The following RBPJ variants were observed in gnomAD, a reference collection of about 807,000 sequenced individuals.
The protein encoded by RBPJ is recombining binding protein suppressor of hairless.
Under a neutral mutation model 67.8 loss-of-function variants are expected in RBPJ, and 9 were observed. That is an observed-to-expected ratio of 0.13 (90% CI 0.08 to 0.23). The LOEUF is 0.23. Among genes scored for constraint, RBPJ ranks in the 10% least tolerant of loss-of-function variants. The pLI is 1.00. For synonymous variants in RBPJ, 198 were observed against 203.3 expected, an observed-to-expected ratio of 0.97 and a Z score of 0.22; for missense variants, 305 against 595.6, an observed-to-expected ratio of 0.51 and a Z score of 5.08.
intron 1 of RBPJ, among the ~76,000 whole-genome samples, chr4:26,311,975 A>C (rs927337645): frequency 4.6e-5 from 7 of 152,118 alleles, no homozygotes; most frequent in Non-Finnish European, 1.0e-4. Context: ...AATTTGCATC[A>C]GAATCTCTGA....
chr4:26,180,245 C>T (rs1002011135), intron 1 of RBPJ, among the ~76,000 whole-genome samples: 12 of 149,578 alleles, frequency 8.0e-5, no homozygotes, highest in African/African-American at 1.7e-4. Flanking sequence ...ACCTGGGTGA[C>T]GAAATAATTG....
chr4:26,255,179 T>C (rs1297702407), intron 1 of RBPJ, among the ~76,000 whole-genome samples: 466 of 126,700 alleles, frequency 3.7e-3, no homozygotes, highest in East Asian at 6.7e-3. Context: ...CCAAGGCGGG[T>C]GGATCACGAG....
intron 1 of RBPJ, among the ~76,000 whole-genome samples, chr4:26,200,274 C>A (rs73809258): frequency 1.2e-3 from 186 of 152,304 alleles, no homozygotes; most frequent in African/African-American, 4.2e-3. Flanking sequence ...CATAACAACT[C>A]CTTGAAATAG....
intron 2 of RBPJ, among the ~76,000 whole-genome samples, chr4:26,398,218 G>A (rs1200102827): frequency 3.9e-5 from 6 of 152,180 alleles, no homozygotes; most frequent in African/African-American, 1.4e-4. Context: ...CGCAGAGAGT[G>A]AGCCTGGAGG....
At chr4:26,390,584 A>G (rs1377129670) in intron 2 of RBPJ, among the ~76,000 whole-genome samples, 2 of 152,222 alleles carry the variant, frequency 1.3e-5, no homozygotes, top group African/African-American at 4.8e-5. Context: ...GTATTTCTGT[A>G]TACTGATGAG....
intron 1 of RBPJ, among the ~76,000 whole-genome samples, chr4:26,268,879 G>C (rs924165992): frequency 1.3e-5 from 2 of 152,146 alleles, no homozygotes; most frequent in African/African-American, 4.8e-5. Flanking sequence ...AAATCTGTTA[G>C]AACAAATTTC....
At chr4:26,285,428 C>T (rs573042664) in intron 1 of RBPJ, among the ~76,000 whole-genome samples, 1 of 152,170 alleles carries the variant, frequency 6.6e-6, no homozygotes, top group Admixed American at 6.5e-5. Flanking sequence ...TTCATTCCTG[C>T]CACCTCTAGT....
At chr4:26,252,189 C>T (rs906476089) in intron 1 of RBPJ, among the ~76,000 whole-genome samples, 2 of 151,718 alleles carry the variant, frequency 1.3e-5, no homozygotes, top group African/African-American at 4.8e-5. Flanking sequence ...GAATGATGTA[C>T]ATTTTGTACC....
intron 1 of RBPJ, among the ~76,000 whole-genome samples, chr4:26,225,416 G>A (rs959714669): frequency 6.6e-6 from 1 of 152,198 alleles, no homozygotes; most frequent in Non-Finnish European, 1.5e-5. Context: ...GGAAAATAAT[G>A]GAGACAGTAA....
At chr4:26,415,753 T>A in intron 4 of RBPJ, 113 bp downstream of exon 4, 1 of 1,043,198 alleles carries the variant, frequency 9.6e-7, no homozygotes, top group Admixed American at 2.7e-5. Flanking sequence ...GGTAACAATT[T>A]CTTGAATATA....
chr4:26,142,071 G>A, the RBPJ span, among the ~76,000 whole-genome samples: 8 of 152,354 alleles, frequency 5.3e-5, no homozygotes, highest in East Asian at 9.6e-4. Context: ...AAGTGGCTCC[G>A]TCAGCTCTTA....
At chr4:26,297,412 G>T (rs1426153389) in intron 1 of RBPJ, among the ~76,000 whole-genome samples, 3 of 151,980 alleles carry the variant, frequency 2.0e-5, no homozygotes, top group African/African-American at 7.3e-5. Context: ...GTATGGGGGG[G>T]ATGTATAGGG....
intron 3 of RBPJ, among the ~76,000 whole-genome samples, chr4:26,411,108 C>T (rs559063454): frequency 6.6e-6 from 1 of 152,238 alleles, no homozygotes; most frequent in Non-Finnish European, 1.5e-5. Context: ...GCCTAAAATA[C>T]ACCACATAAG....
the RBPJ span, among the ~76,000 whole-genome samples, chr4:26,141,411 G>A: frequency 6.6e-6 from 1 of 152,174 alleles, no homozygotes; most frequent in Non-Finnish European, 1.5e-5. Context: ...ACCCAGGAAG[G>A]CCAGGCTGCA....
chr4:26,280,623 G>C (rs1721244449), intron 1 of RBPJ, among the ~76,000 whole-genome samples: 1 of 152,084 alleles, frequency 6.6e-6, no homozygotes, highest in Non-Finnish European at 1.5e-5. Context: ...TAATGAAAAA[G>C]TTCTGGAAAT....
intron 1 of RBPJ, among the ~76,000 whole-genome samples, chr4:26,329,072 C>T (rs1277736166): frequency 6.6e-6 from 1 of 152,204 alleles, no homozygotes; most frequent in African/African-American, 2.4e-5. Context: ...TGGCTCACCG[C>T]AACATATGCC....
At chr4:26,417,361 C>CA (rs1553880409) in intron 4 of RBPJ, among the ~76,000 whole-genome samples, 1 of 152,174 alleles carries the variant, frequency 6.6e-6, no homozygotes, top group Non-Finnish European at 1.5e-5. Context: ...GGGGCTGCCT[C>CA]AACATGGAGA....
chr4:26,348,223 A>C (rs1354683151), intron 1 of RBPJ, among the ~76,000 whole-genome samples: 1 of 152,036 alleles, frequency 6.6e-6, no homozygotes, highest in Non-Finnish European at 1.5e-5. Context: ...AGTCTCCCAA[A>C]GTGTTGGGAT....
chr4:26,255,768 C>G (rs1476449993), intron 1 of RBPJ, among the ~76,000 whole-genome samples: 1 of 148,856 alleles, frequency 6.7e-6, no homozygotes, highest in Non-Finnish European at 1.5e-5. Flanking sequence ...TGCCACTGCA[C>G]TCCAGCCTGG....
Sources: allele counts gnomAD v4.1 joint callset (sites outside exome capture counted in the v4.1 genomes callset), GRCh38; gene constraint gnomAD v4.1.1; transcripts MANE v1.5; gene names NCBI Gene and HGNC (gene_info 2026-07-23, HGNC 2026-07-21).